Variants in HEXIM2 observed in about 807,000 individuals in gnomAD.
The protein encoded by HEXIM2 is HEXIM P-TEFb complex subunit 2.
For synonymous variants in HEXIM2, 159 were observed against 162.7 expected (o/e 0.98, Z 0.17); for missense variants, 413 against 390.8 (o/e 1.06, Z -0.48).
chr17:45,162,710 G>C lies in HEXIM2; in HGVS notation c.-44-40G>C. The C allele has an allele frequency of 4.4e-6, 7 of 1,607,430 alleles. No homozygotes were observed. The South Asian group carries it at 6.6e-5, about 15-fold the overall frequency. On this transcript the variant is annotated intron_variant, in intron 2 of 3. Transcript: ENST00000589230. ...TCTGGGCAGCCAGAGTATTCCTGACGTTCCTTCAGGATTTAGGTTTCTGTT... is the reference window on the plus strand; with the variant it reads ...TCTGGGCAGCCAGAGTATTCCTGACCTTCCTTCAGGATTTAGGTTTCTGTT...
intron 3 of HEXIM2, among the ~76,000 whole-genome samples, chr17:45,167,852 T>A (rs1399646928): frequency 2.6e-5 from 4 of 151,864 alleles, no homozygotes; most frequent in Non-Finnish European, 5.9e-5. Context: ...CATCTTGGCC[T>A]CCCAAAGTGC....
In HEXIM2 at chr17:45,164,200, A is replaced by G. The variant is rs188041071; in HGVS notation, c.66+1341A>G. On this transcript the variant is annotated intron_variant, in intron 3 of 3. Coordinates refer to ENST00000589230, the MANE Select transcript of HEXIM2 (RefSeq NM_001303441.2). ...GCCGGGTGCAGTGGCTCACGCCTGT[A>G]ATCCCAGCACTTTGGGAGGCCGAGG... Among the ~76,000 whole-genome samples, 158 of 151,838 alleles carry G rather than the reference A, an allele frequency of 1.0e-3. 1 individual carries two copies. The highest frequency in any genetic ancestry group is 1.9e-3 in the South Asian group (9 of 4,808).
At chr17:45,161,804 G>A, upstream of HEXIM2, 1 of 985,176 alleles carries the variant, frequency 1.0e-6, no homozygotes, top group Non-Finnish European at 1.2e-6. Flanking sequence ...GGCTGTTGAC[G>A]TTACAGGCCC....
At chr17:45,163,076 C>T (rs915867661) in intron 3 of HEXIM2, among the ~76,000 whole-genome samples, 4 of 152,196 alleles carry the variant, frequency 2.6e-5, no homozygotes, top group African/African-American at 9.7e-5. Context: ...GTAATCCCAG[C>T]ACTTTGGGAG....
rs762374597 is a variant in HEXIM2, at chr17:45,169,501, C to T, written c.553C>T (p.His185Tyr). 9 of 1,610,644 alleles carry T rather than the reference C, an allele frequency of 5.6e-6. No homozygotes were observed. Among genetic ancestry groups the T allele is most frequent in the Non-Finnish European group, 7.6e-6 (9 of 1,178,660 alleles). The change falls in exon 4 of 4, where the codon CAC becomes TAC. Residue 185 changes from histidine to tyrosine, a missense_variant. Physicochemically the swap from His to Tyr is moderately conservative, Grantham distance 83. Transcript: ENST00000589230. ...AGDSDGRGRA[H>Y]GEFQRKDFSE... is the part of the protein sequence containing the mutation. ...GGACAGTGATGGGCGGGGCCGAGCG[C>T]ACGGTGAGTTCCAGCGGAAGGACTT...
intron 3 of HEXIM2, among the ~76,000 whole-genome samples, chr17:45,165,863 C>A (rs1004023592): frequency 6.6e-6 from 1 of 151,966 alleles, no homozygotes; most frequent in Non-Finnish European, 1.5e-5. Context: ...GGCGTGATCT[C>A]GCCTCACTGC....
At position 45,169,241 on chromosome 17, in the gene HEXIM2, G is replaced by T. The variant is rs775507935; in HGVS notation, c.293G>T (p.Arg98Leu). 2.5e-6 allele frequency: 4 copies of T among 1,613,548 alleles called. No homozygotes were observed. The highest frequency in any genetic ancestry group is 3.4e-6 in the Non-Finnish European group (4 of 1,180,016). Reference protein sequence around the residue: ...RKKHRRRPSKRKRHWRPYLEL... With the variant: ...RKKHRRRPSKLKRHWRPYLEL... ...AAACACCGTCGGCGGCCATCGAAGC[G>T]CAAAAGGCACTGGCGACCCTACCTG... The change falls in exon 4 of 4, where the codon CGC becomes CTC. Residue 98 changes from arginine to leucine, a missense_variant. Arg to Leu is a moderately radical substitution (Grantham distance 102). Transcript: ENST00000589230.
upstream of HEXIM2, chr17:45,160,834 G>A (rs1412664119): frequency 1.8e-6 from 2 of 1,081,560 alleles, no homozygotes; most frequent in African/African-American, 1.6e-5. Flanking sequence ...AGGTTTCCAA[G>A]TGCCCCTCTC....
chr17:45,162,983 A>G (rs2042743252), intron 3 of HEXIM2, 124 bp downstream of exon 3: 2 of 687,266 alleles, frequency 2.9e-6, no homozygotes, highest in Non-Finnish European at 5.1e-6. Flanking sequence ...AATCAGTACT[A>G]TGCACTAGGC....
chr17:45,161,186 A>C (rs923758517), upstream of HEXIM2: 2 of 364,734 alleles, frequency 5.5e-6, no homozygotes, highest in South Asian at 4.0e-5. Flanking sequence ...GCCCCTGTGG[A>C]AAGACCGCAG....
intron 3 of HEXIM2, among the ~76,000 whole-genome samples, chr17:45,166,354 T>C (rs1313084009): frequency 6.6e-6 from 1 of 152,032 alleles, no homozygotes; most frequent in African/African-American, 2.4e-5. Context: ...CTTGAACTCC[T>C]GGGCTTGAGC....
intron 3 of HEXIM2, among the ~76,000 whole-genome samples, chr17:45,166,363 G>A (rs1567929352): frequency 6.6e-6 from 1 of 151,864 alleles, no homozygotes; most frequent in Non-Finnish European, 1.5e-5. Flanking sequence ...CTGGGCTTGA[G>A]CAATCCACCC....
chr17:45,161,017 G>T, upstream of HEXIM2: 1 of 1,184,052 alleles, frequency 8.4e-7, no homozygotes, highest in South Asian at 1.3e-5. Context: ...GGCCAGACCT[G>T]CGACCTCCGC....
rs1193679591 is a variant in HEXIM2, at chr17:45,170,034, A to G, written c.*225A>G. On this transcript the variant is annotated 3_prime_UTR_variant, in exon 4 of 4. Coordinates refer to ENST00000589230, the MANE Select transcript of HEXIM2 (RefSeq NM_001303441.2). ...AAATTAAATGGCCTTGGTGGGACCAAATGGGAGTATCTAGGATTGATTTCA... is the reference window on the plus strand; with the variant it reads ...AAATTAAATGGCCTTGGTGGGACCAGATGGGAGTATCTAGGATTGATTTCA... 4.7e-6 allele frequency: 2 copies of G among 423,844 alleles called. No homozygotes were observed. The highest frequency in any genetic ancestry group is 2.0e-5 in the African/African-American group (1 of 49,204). The allele number at this position is 423,844 out of a possible 1,614,324, so 26.3% of individuals were successfully genotyped here.
intron 3 of HEXIM2, among the ~76,000 whole-genome samples, chr17:45,166,862 A>G (rs557319755): frequency 1.3e-5 from 2 of 151,664 alleles, no homozygotes; most frequent in East Asian, 3.9e-4. Flanking sequence ...CATCTCTACT[A>G]AAAATACAAA....
chr17:45,160,670 G>C, upstream of HEXIM2: 1 of 348,162 alleles, frequency 2.9e-6, no homozygotes, highest in Admixed American at 3.7e-5. Flanking sequence ...TCATCCCTTC[G>C]GTGTAAACTT....
At chr17:45,162,695 C>T (rs2042731461) in intron 2 of HEXIM2, 55 bp from the exon 3 acceptor site, 1 of 1,599,584 alleles carries the variant, frequency 6.3e-7, no homozygotes, top group Non-Finnish European at 8.5e-7. Context: ...TCTGGGCAGC[C>T]AGAGTATTCC....
Position 45,161,879 on chromosome 17 carries a change from C to CT in HEXIM2, c.-343dup. Reference sequence around the variant, plus strand: ...CAGGCACCGCGCGTCCAGGCTCTCTCTTCCCCCCCATCTTAGTGGCCTGAG... The same window carrying CT: ...CAGGCACCGCGCGTCCAGGCTCTCTCTTTCCCCCCCATCTTAGTGGCCTGAG... On this transcript the variant is annotated 5_prime_UTR_variant, in exon 1 of 4. Coordinates refer to ENST00000589230, the MANE Select transcript of HEXIM2 (RefSeq NM_001303441.2). 1 of 985,752 alleles carries CT rather than the reference C, an allele frequency of 1.0e-6. No homozygotes were observed. The highest frequency in any genetic ancestry group is 1.2e-6 in the Non-Finnish European group (1 of 830,206). The allele number at this position is 985,752 out of a possible 1,614,324, so 61.1% of individuals were successfully genotyped here.
chr17:45,166,416 T>C (rs761675873), intron 3 of HEXIM2, among the ~76,000 whole-genome samples: 8 of 152,014 alleles, frequency 5.3e-5, no homozygotes, highest in Non-Finnish European at 8.8e-5. Flanking sequence ...CGTGAGCCAC[T>C]ACACCCGGCC....
Sources: gnomAD v4.1 joint callset for allele counts (sites outside exome capture counted in the v4.1 genomes callset) on GRCh38, gnomAD v4.1.1 for gene constraint, MANE v1.5 for transcripts, NCBI Gene and HGNC (gene_info 2026-07-23, HGNC 2026-07-21) for gene names.